MSRA: variants seen among roughly 807,000 people sequenced by gnomAD.
MSRA encodes the protein mitochondrial peptide methionine sulfoxide reductase.
MSRA carries 54 observed loss-of-function variants against 31.3 expected under a neutral mutation model. That is an observed-to-expected ratio of 1.73 (90% confidence interval 1.39 to 2.17). The LOEUF (loss-of-function observed/expected upper bound fraction) is 2.17, where lower values mean the gene tolerates loss of function less well. MSRA is among the 30% of genes most tolerant of loss of function. MSRA has a pLI of 0.00. For synonymous variants in MSRA, 169 were observed against 116.5 expected (o/e 1.45, Z -2.90); for missense variants, 507 against 300.9 (o/e 1.69, Z -5.07).
In MSRA at chr8:10,363,769, C is replaced by CACAA. The variant is rs1159606693; in HGVS notation, c.543+43783_543+43784insAACA. On this transcript the variant is annotated intron_variant, in intron 5 of 5. Transcript: ENST00000317173. ...ACACACACACACACACACACACACA[C>CACAA]ACACACACACTAGCTGGTTGTTGTG... is the stretch of plus-strand genomic sequence containing the variant. Among the ~76,000 whole-genome samples, 135 of 151,454 alleles carry CACAA rather than the reference C, an allele frequency of 8.9e-4. 1 individual carries two copies. Among genetic ancestry groups the CACAA allele is most frequent in the African/African-American group, 3.2e-3 (133 of 41,332 alleles).
chr8:10,377,150 C>T (rs1176001614), intron 5 of MSRA, among the ~76,000 whole-genome samples: 2 of 152,234 alleles, frequency 1.3e-5, no homozygotes, highest in Non-Finnish European at 2.9e-5. Flanking sequence ...ACGTAATGAT[C>T]GCGAGTTTTT....
intron 1 of MSRA, among the ~76,000 whole-genome samples, chr8:10,061,600 C>G (rs1251017234): frequency 6.6e-6 from 1 of 152,128 alleles, no homozygotes; most frequent in Non-Finnish European, 1.5e-5. Context: ...ACCAAGAACT[C>G]ACAGCACTTC....
intron 4 of MSRA, among the ~76,000 whole-genome samples, chr8:10,304,061 G>C (rs1164438420): frequency 1.3e-5 from 2 of 152,188 alleles, no homozygotes; most frequent in Non-Finnish European, 2.9e-5. Context: ...TCAGCCTCCT[G>C]AGTAGCTGGG....
chr8:10,286,619 T>A (rs955896513), intron 3 of MSRA, among the ~76,000 whole-genome samples: 5 of 152,240 alleles, frequency 3.3e-5, no homozygotes, highest in African/African-American at 1.2e-4. Context: ...ACTGTCTCCA[T>A]TAAACCAGAG....
At chr8:10,227,206 G>A (rs1488766691) in intron 2 of MSRA, among the ~76,000 whole-genome samples, 1 of 152,144 alleles carries the variant, frequency 6.6e-6, no homozygotes, top group Non-Finnish European at 1.5e-5. Flanking sequence ...CGAGGCCCGT[G>A]GAGTTACCAG....
chr8:10,369,830 C>T (rs1451737236), intron 5 of MSRA, among the ~76,000 whole-genome samples: 1 of 152,134 alleles, frequency 6.6e-6, no homozygotes, highest in Admixed American at 6.5e-5. Flanking sequence ...GAGAATTATT[C>T]ATCAGTTTTC....
chr8:10,223,002 G>T (rs563648551), intron 2 of MSRA, among the ~76,000 whole-genome samples: 4 of 152,070 alleles, frequency 2.6e-5, no homozygotes, highest in African/African-American at 9.7e-5. Flanking sequence ...AAGGTGATAG[G>T]TATGTTACTT....
At chr8:10,199,914 C>G (rs181226115) in intron 1 of MSRA, among the ~76,000 whole-genome samples, 89 of 152,236 alleles carry the variant, frequency 5.8e-4, no homozygotes, top group South Asian at 1.0e-3. Flanking sequence ...AACATCCTTG[C>G]CAGGGAGTGA....
At chr8:10,214,406 C>T (rs189272128) in intron 2 of MSRA, among the ~76,000 whole-genome samples, 12 of 152,150 alleles carry the variant, frequency 7.9e-5, no homozygotes, top group East Asian at 1.9e-4. Flanking sequence ...GAATCAGCCC[C>T]GGTTATTTGT....
chr8:10,119,948 C>G (rs553228555), intron 1 of MSRA, among the ~76,000 whole-genome samples: 2 of 152,148 alleles, frequency 1.3e-5, no homozygotes, highest in African/African-American at 4.8e-5. Context: ...TGCCTAGACC[C>G]AAAAAGGGGC....
intron 1 of MSRA, among the ~76,000 whole-genome samples, chr8:10,182,251 G>A (rs1806610405): frequency 6.6e-6 from 1 of 152,208 alleles, no homozygotes. Context: ...CTAAGAATAT[G>A]CAAAGTGAGA....
At chr8:10,400,998 G>A (rs548048012) in intron 5 of MSRA, among the ~76,000 whole-genome samples, 3 of 152,178 alleles carry the variant, frequency 2.0e-5, no homozygotes, top group African/African-American at 7.2e-5. Flanking sequence ...AGTTGGTACT[G>A]GTGTCTTGGA....
intron 1 of MSRA, among the ~76,000 whole-genome samples, chr8:10,160,539 C>T (rs957614439): frequency 6.6e-6 from 1 of 152,034 alleles, no homozygotes; most frequent in Admixed American, 6.6e-5. Flanking sequence ...TAGGATGAAT[C>T]CATGACACGT....
At chr8:10,158,638 G>T (rs1804379273) in intron 1 of MSRA, among the ~76,000 whole-genome samples, 1 of 152,218 alleles carries the variant, frequency 6.6e-6, no homozygotes, top group Admixed American at 6.5e-5. Flanking sequence ...TCAGTTGACA[G>T]ACATTTGGGT....
At chr8:10,077,976 C>A (rs538382473) in intron 1 of MSRA, among the ~76,000 whole-genome samples, 28 of 152,320 alleles carry the variant, frequency 1.8e-4, no homozygotes, top group Admixed American at 9.8e-4. Flanking sequence ...CTAATATTTT[C>A]AGTTTTGTGC....
chr8:10,207,994 T>C (rs776298373), intron 2 of MSRA, 93 bp downstream of exon 2: 49 of 912,226 alleles, frequency 5.4e-5, no homozygotes, highest in Non-Finnish European at 7.7e-5. Context: ...GGCTTCAAAA[T>C]CTGGGCTCTT....
In MSRA at chr8:10,231,115, C is replaced by T. The variant is rs565419140; in HGVS notation, c.212-13989C>T. ...CTGTAGTTTTAAAGAAGGAAGATGA[C>T]AGGTTTGAAAGTGCATGAGATGGAG... On this transcript the variant is annotated intron_variant, in intron 2 of 5. Coordinates refer to ENST00000317173, the MANE Select transcript of MSRA (RefSeq NM_012331.5). Among the ~76,000 whole-genome samples the T allele has an allele frequency of 5.1e-4, 78 of 152,112 alleles. 1 individual carries two copies. The highest frequency in any genetic ancestry group is 1.6e-3 in the African/African-American group (66 of 41,488).
intron 5 of MSRA, among the ~76,000 whole-genome samples, chr8:10,323,415 A>G (rs1282974786): frequency 6.6e-6 from 1 of 152,170 alleles, no homozygotes; most frequent in Non-Finnish European, 1.5e-5. Flanking sequence ...CCTCCAGAAT[A>G]CTGAAATATG....
At chr8:10,238,444 G>C (rs960640022) in intron 2 of MSRA, among the ~76,000 whole-genome samples, 9 of 152,188 alleles carry the variant, frequency 5.9e-5, no homozygotes, top group African/African-American at 1.4e-4. Flanking sequence ...AAACAGGGTA[G>C]GATCTTGTTT....
Sources: gnomAD v4.1 joint callset for allele counts (sites outside exome capture counted in the v4.1 genomes callset) on GRCh38, gnomAD v4.1.1 for gene constraint, MANE v1.5 for transcripts, NCBI Gene and HGNC (gene_info 2026-07-23, HGNC 2026-07-21) for gene names.